Variants in CCDC57 observed in about 807,000 individuals in gnomAD.
CCDC57 encodes coiled-coil domain containing 57.
In CCDC57, 118 loss-of-function variants were observed where a neutral mutation model predicts 118.9. That is an observed-to-expected ratio of 0.99 (90% CI 0.86 to 1.16). The LOEUF (loss-of-function observed/expected upper bound fraction) is 1.16. Ranked by LOEUF, CCDC57 falls within the 50% of genes most tolerant of loss-of-function variation. The pLI, the probability that CCDC57 is intolerant of heterozygous loss-of-function variation, is 0.00. For synonymous variants in CCDC57, 527 were observed against 532.9 expected (o/e 0.99, Z 0.15); for missense variants, 1,300 against 1,320.7 (o/e 0.98, Z 0.24).
chr17:82,149,574 G>A (rs896631119), intron 16 of CCDC57, among the ~76,000 whole-genome samples: 2 of 152,106 alleles, frequency 1.3e-5, no homozygotes, highest in Non-Finnish European at 2.9e-5. Flanking sequence ...TGCTGCCAGC[G>A]AAGTGGGTCC....
exon 20 of CCDC57, chr17:82,101,552 G>GCCTGCCCTGCAGCTCCCTGCCTCCAC: frequency 1.3e-6 from 1 of 779,978 alleles, no homozygotes; most frequent in Non-Finnish European, 2.0e-6. Context: ...GCATTTGGGA[G>GCCTGCCCTGCAGCTCCCTGCCTCCAC]CCTGCCCTGC....
chr17:82,109,441 G>A (rs2035093004), intron 19 of CCDC57, among the ~76,000 whole-genome samples: 1 of 152,230 alleles, frequency 6.6e-6, no homozygotes, highest in Non-Finnish European at 1.5e-5. Context: ...AAGAATGTAG[G>A]AAAATGAAAC....
chr17:82,194,195 A>G (rs2048021724), intron 5 of CCDC57, 56 bp from the exon 5 acceptor site: 16 of 1,560,850 alleles, frequency 1.0e-5, no homozygotes, highest in Non-Finnish European at 1.4e-5. Context: ...ACACTGAGGC[A>G]TTAGGGGTAC....
chr17:82,141,366 T>C (rs910341333), intron 16 of CCDC57, among the ~76,000 whole-genome samples: 1 of 152,176 alleles, frequency 6.6e-6, no homozygotes, highest in Non-Finnish European at 1.5e-5. Context: ...GTATTTTTAG[T>C]AGAGACAGGG....
chr17:82,177,371 T>A (rs2045658928), intron 11 of CCDC57, among the ~76,000 whole-genome samples: 2 of 151,592 alleles, frequency 1.3e-5, no homozygotes, highest in Admixed American at 6.6e-5. Flanking sequence ...AGCAAAACTC[T>A]GTCTAAAAAA....
intron 15 of CCDC57, chr17:82,152,038 T>C: frequency 2.0e-6 from 1 of 490,218 alleles, no homozygotes; most frequent in Non-Finnish European, 3.7e-6. Flanking sequence ...CTCACAGCCC[T>C]CCGCCTCCTC....
chr17:82,134,163 G>T, exon 17 of CCDC57: 1 of 1,352,290 alleles, frequency 7.4e-7, no homozygotes, highest in Middle Eastern at 1.9e-4. Flanking sequence ...GGGCCTCAGG[G>T]GCAGGAGGGA....
intron 1 of CCDC57, among the ~76,000 whole-genome samples, chr17:82,210,552 C>T (rs1282438399): frequency 6.6e-6 from 1 of 150,804 alleles, no homozygotes; most frequent in African/African-American, 2.4e-5. Flanking sequence ...TGGTGGCAGG[C>T]GCTGGTAATC....
Position 82,184,026 on chromosome 17 carries a change from C to T in CCDC57, c.1053-94G>A, listed in dbSNP as rs1192852190. 75 of 459,486 alleles carry T rather than the reference C, an allele frequency of 1.6e-4. 1 individual carries two copies. Among genetic ancestry groups the T allele is most frequent in the Admixed American group, 2.4e-4 (7 of 29,054 alleles). The allele number at this position is 459,486 out of a possible 1,614,324, so 28.5% of individuals were successfully genotyped here. A position where few individuals can be genotyped will look rare whatever the true frequency, so the allele number is the denominator to read the frequency against. The stretch of plus-strand genomic sequence containing the variant: ...CCCAGCAAATACACATGCGCGCGCG[C>T]GCGCGCACACACACACACACACACA... On this transcript the variant is annotated intron_variant, in intron 8 of 19. Transcript: ENST00000665763.
chr17:82,189,880 T>C (rs2146654764), intron 7 of CCDC57, among the ~76,000 whole-genome samples: 1 of 151,998 alleles, frequency 6.6e-6, no homozygotes, highest in East Asian at 1.9e-4. Context: ...CATGGTGGCA[T>C]GCGCCTGTAA....
chr17:82,151,147 G>GAACCAGGCGCA (rs778159567), intron 16 of CCDC57, among the ~76,000 whole-genome samples: 2 of 36,772 alleles, frequency 5.4e-5, no homozygotes, highest in Non-Finnish European at 9.1e-5. Context: ...AACCTGACCC[G>GAACCAGGCGCA]CACCTAGAAC....
At chr17:82,194,231 A>C in intron 5 of CCDC57, 92 bp from the exon 5 acceptor site, 1 of 1,331,124 alleles carries the variant, frequency 7.5e-7, no homozygotes, top group Non-Finnish European at 1.0e-6. Flanking sequence ...CAGGATTGGG[A>C]GGGAGAAGAA....
intron 16 of CCDC57, chr17:82,145,700 G>A (rs2040633307): frequency 5.6e-6 from 2 of 355,810 alleles, no homozygotes; most frequent in Non-Finnish European, 1.1e-5. Context: ...GTGGGCAGAG[G>A]GGCCTGCAGG....
chr17:82,169,130 T>C (rs1020679043), intron 13 of CCDC57, among the ~76,000 whole-genome samples: 1 of 152,158 alleles, frequency 6.6e-6, no homozygotes, highest in Non-Finnish European at 1.5e-5. Context: ...TATTTTATTT[T>C]ACTTTATTTT....
At chr17:82,145,141 C>T (rs1215441597) in intron 16 of CCDC57, among the ~76,000 whole-genome samples, 8 of 151,040 alleles carry the variant, frequency 5.3e-5, no homozygotes, top group Admixed American at 1.3e-4. Context: ...CTGCCTCAGC[C>T]GCCCGAGTAG....
At chr17:82,182,334 T>C (rs962815095) in intron 9 of CCDC57, among the ~76,000 whole-genome samples, 1 of 151,878 alleles carries the variant, frequency 6.6e-6, no homozygotes, top group South Asian at 2.1e-4. Flanking sequence ...TTACAACATG[T>C]TTCTTTCAGC....
intron 7 of CCDC57, among the ~76,000 whole-genome samples, chr17:82,193,274 C>T (rs116732358): frequency 0.047 from 7,185 of 151,960 alleles, 231 homozygotes; most frequent in African/African-American, 0.089. Context: ...CTGGGTGTGG[C>T]GGCTCATGCC....
At position 82,183,709 on chromosome 17, in the gene CCDC57, A is replaced by G. The variant is rs2046481734; in HGVS notation, c.1211+65T>C. 1.2e-5 allele frequency: 18 copies of G among 1,455,638 alleles called. No individual in the cohort carries two copies. The South Asian group carries it at 2.1e-4, about 17-fold the overall frequency. 90.2% of individuals were successfully genotyped at this position (1,455,638 alleles called of 1,614,324 possible). Reference sequence around the variant, plus strand: ...TCAATCTGTTCAGTTTTGAATCCTTAGTACCTACAACAGCACCTGCCCATA... The same window carrying G: ...TCAATCTGTTCAGTTTTGAATCCTTGGTACCTACAACAGCACCTGCCCATA... On this transcript the variant is annotated intron_variant, in intron 9 of 19. Coordinates refer to ENST00000665763, the Ensembl canonical transcript of CCDC57.
chr17:82,103,051 A>G (rs2034574236), intron 19 of CCDC57, among the ~76,000 whole-genome samples: 1 of 152,210 alleles, frequency 6.6e-6, no homozygotes, highest in East Asian at 1.9e-4. Context: ...CGGGCGGCCA[A>G]CGCCTCCTGC....
Sources: gnomAD v4.1 joint callset for allele counts (sites outside exome capture counted in the v4.1 genomes callset) on GRCh38, gnomAD v4.1.1 for gene constraint, MANE v1.5 for transcripts, NCBI Gene and HGNC (gene_info 2026-07-23, HGNC 2026-07-21) for gene names.